KLHL14: variants seen among roughly 807,000 people sequenced by gnomAD.
KLHL14 encodes kelch-like protein 14.
KLHL14 carries 22 observed loss-of-function variants against 64.3 expected under a neutral mutation model. That is an observed-to-expected ratio of 0.34 (90% CI 0.24 to 0.49). The LOEUF is 0.49. KLHL14 is among the 20% of genes least tolerant of loss of function. KLHL14 has a pLI of 0.99. For synonymous variants in KLHL14, 322 were observed against 333.4 expected (o/e 0.97, Z 0.37); for missense variants, 661 against 789.0 (o/e 0.84, Z 1.94).
intron 3 of KLHL14, among the ~76,000 whole-genome samples, chr18:32,703,971 T>G (rs1414189462): frequency 6.6e-6 from 1 of 152,196 alleles, no homozygotes; most frequent in Non-Finnish European, 1.5e-5. Flanking sequence ...AGAGCTTTGA[T>G]GACTGCCCTT....
At chr18:32,723,997 T>C (rs2050092824) in intron 3 of KLHL14, among the ~76,000 whole-genome samples, 1 of 152,226 alleles carries the variant, frequency 6.6e-6, no homozygotes, top group Admixed American at 6.5e-5. Context: ...TTTAAAAGCT[T>C]CTGATATATA....
Position 32,697,064 on chromosome 18 carries a change from G to C in KLHL14, c.1070-1512C>G, listed in dbSNP as rs772250428. ...AAATTGGGTGGGCAGTGGTTTGCGC[G>C]GTCCATGAATTAGGTCAATTGACTT... On this transcript the variant is annotated intron_variant, in intron 3 of 8. Coordinates refer to ENST00000359358, the MANE Select transcript of KLHL14 (RefSeq NM_020805.3). Among the ~76,000 whole-genome samples, 94 of 152,100 alleles carry C rather than the reference G, an allele frequency of 6.2e-4. 1 individual carries two copies. Among genetic ancestry groups the C allele is most frequent in the African/African-American group, 2.2e-3 (93 of 41,406 alleles).
At chr18:32,737,441 C>A (rs1432931393) in intron 3 of KLHL14, 1 of 152,122 alleles carries the variant, frequency 6.6e-6, no homozygotes, top group Non-Finnish European at 1.5e-5. Flanking sequence ...TAATTATTCC[C>A]TGAATAATCA....
At chr18:32,748,530 T>C (rs1001850345) in intron 2 of KLHL14, among the ~76,000 whole-genome samples, 1 of 152,066 alleles carries the variant, frequency 6.6e-6, no homozygotes, top group Non-Finnish European at 1.5e-5. Flanking sequence ...CCATCACGCC[T>C]GGCTAATTTT....
intron 3 of KLHL14, among the ~76,000 whole-genome samples, chr18:32,719,225 G>T (rs2050063017): frequency 6.6e-6 from 1 of 152,236 alleles, no homozygotes; most frequent in Admixed American, 6.5e-5. Flanking sequence ...TGGGATTATA[G>T]GCGTAAGCCA....
At chr18:32,759,870 C>T (rs1382600543) in intron 2 of KLHL14, among the ~76,000 whole-genome samples, 2 of 152,150 alleles carry the variant, frequency 1.3e-5, no homozygotes, top group Non-Finnish European at 2.9e-5. Context: ...CTGTAATACA[C>T]CCATACTGAC....
intron 3 of KLHL14, among the ~76,000 whole-genome samples, chr18:32,740,534 A>G (rs1292520208): frequency 6.6e-6 from 1 of 151,982 alleles, no homozygotes; most frequent in Non-Finnish European, 1.5e-5. Context: ...CCTAGTCTCC[A>G]TGTTTCTTTC....
chr18:32,699,706 AT>A (rs2049954671), intron 3 of KLHL14, among the ~76,000 whole-genome samples: 1 of 152,094 alleles, frequency 6.6e-6, no homozygotes, highest in Non-Finnish European at 1.5e-5. Flanking sequence ...TGTTTCTGAA[AT>A]TTGTGTATAA....
intron 2 of KLHL14, among the ~76,000 whole-genome samples, chr18:32,749,238 C>T (rs1341732296): frequency 2.0e-5 from 3 of 152,082 alleles, no homozygotes; most frequent in African/African-American, 4.8e-5. Flanking sequence ...TTGAAAACAA[C>T]GACAATAACA....
At chr18:32,681,621 A>T (rs1257848901) in intron 5 of KLHL14, among the ~76,000 whole-genome samples, 1 of 152,164 alleles carries the variant, frequency 6.6e-6, no homozygotes, top group Non-Finnish European at 1.5e-5. Context: ...GTGGTCCAAT[A>T]TTGAATAAGT....
At chr18:32,757,259 T>A (rs1034273022) in intron 2 of KLHL14, among the ~76,000 whole-genome samples, 11 of 152,224 alleles carry the variant, frequency 7.2e-5, no homozygotes, top group African/African-American at 2.7e-4. Flanking sequence ...AAAAGTAATT[T>A]CTCTTCAAGA....
intron 2 of KLHL14, among the ~76,000 whole-genome samples, chr18:32,761,506 T>C (rs2050313942): frequency 6.6e-6 from 1 of 151,168 alleles, no homozygotes. Context: ...TTTTGCCTTC[T>C]CCCCAGGCCT....
intron 3 of KLHL14, among the ~76,000 whole-genome samples, chr18:32,741,373 G>T (rs1237276131): frequency 6.6e-6 from 1 of 152,218 alleles, no homozygotes; most frequent in Non-Finnish European, 1.5e-5. Context: ...CTGGGTAGAA[G>T]TTTGCAAGCA....
intron 1 of KLHL14, among the ~76,000 whole-genome samples, chr18:32,771,546 G>T (rs1386412512): frequency 6.6e-6 from 1 of 151,966 alleles, no homozygotes; most frequent in East Asian, 1.9e-4. Flanking sequence ...CCCCCGTCTC[G>T]CTCATTTCAA....
chr18:32,736,843 C>A (rs1004066218), intron 3 of KLHL14, among the ~76,000 whole-genome samples: 1 of 152,038 alleles, frequency 6.6e-6, no homozygotes, highest in Admixed American at 6.6e-5. Flanking sequence ...TCTAGGAAAG[C>A]TTTCCTAACC....
chr18:32,759,624 A>G (rs1249742916), intron 2 of KLHL14, among the ~76,000 whole-genome samples: 1 of 152,134 alleles, frequency 6.6e-6, no homozygotes, highest in East Asian at 1.9e-4. Flanking sequence ...TGAGATTTAA[A>G]CTAGCATTTG....
At chr18:32,693,250 G>A (rs997939270) in intron 4 of KLHL14, among the ~76,000 whole-genome samples, 1 of 152,080 alleles carries the variant, frequency 6.6e-6, no homozygotes, top group Non-Finnish European at 1.5e-5. Flanking sequence ...CTATTTAGGT[G>A]AGCCCAGCCC....
At chr18:32,696,692 G>A (rs1291737946) in intron 3 of KLHL14, among the ~76,000 whole-genome samples, 1 of 152,148 alleles carries the variant, frequency 6.6e-6, no homozygotes, top group African/African-American at 2.4e-5. Context: ...AATGCAGGGA[G>A]AGAGAAAGTG....
intron 1 of KLHL14, chr18:32,772,144 C>T (rs966912094): frequency 3.7e-6 from 1 of 270,862 alleles, no homozygotes; most frequent in Non-Finnish European, 7.4e-6. Context: ...GAGCCGCCGC[C>T]GCCGCCCGGC....
Sources: allele counts gnomAD v4.1 joint callset (sites outside exome capture counted in the v4.1 genomes callset), GRCh38; gene constraint gnomAD v4.1.1; transcripts MANE v1.5; gene names NCBI Gene and HGNC (gene_info 2026-07-23, HGNC 2026-07-21).